Variants in MBOAT2 observed in about 807,000 individuals in gnomAD.
MBOAT2 encodes the protein membrane bound glycerophospholipid O-acyltransferase 2, also known as membrane-bound glycerophospholipid O-acyltransferase 2.
MBOAT2 carries 28 observed loss-of-function variants against 63.4 expected under a neutral mutation model. That is an observed-to-expected ratio of 0.44 (90% confidence interval 0.33 to 0.61). The LOEUF is 0.61. Ranked by LOEUF, MBOAT2 falls within the 20% of genes least tolerant of loss-of-function variation. The pLI, the probability that MBOAT2 is intolerant of heterozygous loss-of-function variation, is 0.03. For synonymous variants in MBOAT2, 211 were observed against 215.6 expected (o/e 0.98, Z 0.19); for missense variants, 470 against 605.8 (o/e 0.78, Z 2.35).
chr2:9,000,041 C>T (rs191206533), intron 1 of MBOAT2, among the ~76,000 whole-genome samples: 94 of 152,358 alleles, frequency 6.2e-4, no homozygotes, highest in African/African-American at 2.1e-3. Context: ...TGCATTCTTA[C>T]ATTCCATGCA....
chr2:8,884,226 G>T (rs1663372453), intron 5 of MBOAT2, among the ~76,000 whole-genome samples: 1 of 145,682 alleles, frequency 6.9e-6, no homozygotes, highest in Non-Finnish European at 1.5e-5. Context: ...AAAAAGTCTG[G>T]CTCTGAGAAA....
intron 2 of MBOAT2, among the ~76,000 whole-genome samples, chr2:8,955,781 A>G (rs529209869): frequency 1.3e-5 from 2 of 152,356 alleles, no homozygotes; most frequent in East Asian, 3.9e-4. Context: ...GTCAATCACT[A>G]TGGTAAACTT....
At chr2:8,863,970 T>C (rs999278592) in intron 10 of MBOAT2, among the ~76,000 whole-genome samples, 200 bp downstream of exon 10, 2 of 152,218 alleles carry the variant, frequency 1.3e-5, no homozygotes, top group Admixed American at 1.3e-4. Flanking sequence ...GCAGGATAGC[T>C]GCATTCGTGA....
At chr2:8,875,026 T>C (rs1024074864) in intron 7 of MBOAT2, among the ~76,000 whole-genome samples, 1 of 152,194 alleles carries the variant, frequency 6.6e-6, no homozygotes, top group Non-Finnish European at 1.5e-5. Context: ...AATTTCCACC[T>C]TGTTTAAGTT....
chr2:8,905,614 T>C (rs368824080), intron 4 of MBOAT2, among the ~76,000 whole-genome samples: 114 of 152,034 alleles, frequency 7.5e-4, no homozygotes, highest in African/African-American at 2.5e-3. Flanking sequence ...ATGAGAACAC[T>C]TGGACATAGG....
At chr2:8,911,292 T>C (rs1352219124) in intron 3 of MBOAT2, among the ~76,000 whole-genome samples, 1 of 152,176 alleles carries the variant, frequency 6.6e-6, no homozygotes, top group Non-Finnish European at 1.5e-5. Flanking sequence ...TTGAGCTTGA[T>C]TCCCTAATGA....
intron 1 of MBOAT2, among the ~76,000 whole-genome samples, chr2:8,981,417 A>G (rs1671183166): frequency 6.6e-6 from 1 of 152,198 alleles, no homozygotes; most frequent in Admixed American, 6.5e-5. Context: ...TGTCTGATCA[A>G]GATGAAATAC....
At chr2:8,888,400 A>C (rs1006942364) in intron 4 of MBOAT2, among the ~76,000 whole-genome samples, 4 of 152,138 alleles carry the variant, frequency 2.6e-5, no homozygotes, top group African/African-American at 9.7e-5. Context: ...CGGAGGTAAG[A>C]AGCACGCAGG....
At chr2:8,892,925 C>A (rs1664112155) in intron 4 of MBOAT2, among the ~76,000 whole-genome samples, 1 of 152,060 alleles carries the variant, frequency 6.6e-6, no homozygotes, top group Non-Finnish European at 1.5e-5. Flanking sequence ...GCAGGCTCTG[C>A]AGAGCGAGGA....
rs746928075 is a variant in MBOAT2 at position 8,977,148 on chromosome 2, GT to G, written c.76-18507del. ...AACAGCCTTATGGGTGGATACCTAT[GT>G]CAAAACACCAAATTTTACACTTTTA... On this transcript the variant is annotated intron_variant, in intron 1 of 12. Coordinates refer to ENST00000305997, the MANE Select transcript of MBOAT2 (RefSeq NM_138799.4). Among the ~76,000 whole-genome samples, 17 of 152,210 alleles carry G rather than the reference GT, an allele frequency of 1.1e-4. No individual in the cohort carries two copies. The East Asian group carries it at 2.3e-3, about 21-fold the overall frequency.
intron 2 of MBOAT2, among the ~76,000 whole-genome samples, chr2:8,951,907 T>C (rs1164426773): frequency 1.3e-5 from 2 of 152,200 alleles, no homozygotes; most frequent in African/African-American, 4.8e-5. Flanking sequence ...GGTTGGATTT[T>C]TGGGTCTCAA....
chr2:8,912,407 G>GAA (rs1464464716), intron 3 of MBOAT2, among the ~76,000 whole-genome samples: 1 of 147,066 alleles, frequency 6.8e-6, no homozygotes, highest in South Asian at 2.2e-4. Flanking sequence ...AAGAAAGAAA[G>GAA]AAAGAAAGAC....
At chr2:8,922,635 T>G (rs1178514779) in intron 3 of MBOAT2, among the ~76,000 whole-genome samples, 1 of 152,210 alleles carries the variant, frequency 6.6e-6, no homozygotes, top group Non-Finnish European at 1.5e-5. Context: ...AGTCAATGAT[T>G]AGTCGGAGCT....
intron 8 of MBOAT2, among the ~76,000 whole-genome samples, chr2:8,871,798 G>C (rs1176456740): frequency 2.0e-5 from 3 of 152,288 alleles, no homozygotes; most frequent in Non-Finnish European, 4.4e-5. Flanking sequence ...ACAGTAAAAT[G>C]CTAATCCTTA....
At chr2:8,997,588 TAAATA>T (rs1483498379) in intron 1 of MBOAT2, among the ~76,000 whole-genome samples, 1 of 152,160 alleles carries the variant, frequency 6.6e-6, no homozygotes, top group Non-Finnish European at 1.5e-5. Flanking sequence ...AATAAAAACA[TAAATA>T]AATTCCAGAA....
chr2:8,962,151 A>G (rs1669647736), intron 1 of MBOAT2, among the ~76,000 whole-genome samples: 1 of 152,196 alleles, frequency 6.6e-6, no homozygotes, highest in Non-Finnish European at 1.5e-5. Context: ...TTTATAATCT[A>G]TTTAATCTTC....
rs753238487 is a variant in MBOAT2 at position 8,929,318 on chromosome 2, TTTTA to T, written c.299+13865_299+13868del. On this transcript the variant is annotated intron_variant, in intron 3 of 12. Transcript: ENST00000305997. ...CACTGATTTACCCATGGCTCTTACA[TTTTA>T]TTTATTTGTTCATTCATTCATTCAT... Among the ~76,000 whole-genome samples the T allele has an allele frequency of 5.3e-5, 8 of 150,594 alleles. No homozygotes were observed. In the East Asian group the frequency reaches 5.8e-4, roughly 11 times the overall value.
intron 3 of MBOAT2, among the ~76,000 whole-genome samples, chr2:8,927,567 G>A (rs920154890): frequency 2.6e-5 from 4 of 152,192 alleles, no homozygotes; most frequent in Non-Finnish European, 5.9e-5. Context: ...ACAATAGAGA[G>A]CTGTGTCCAA....
intron 12 of MBOAT2, 73 bp downstream of exon 12, chr2:8,860,540 T>C: frequency 6.9e-7 from 1 of 1,456,576 alleles, no homozygotes; most frequent in Non-Finnish European, 9.5e-7. Context: ...TTTTCTATTC[T>C]ATCCAATAGC....
Sources: gnomAD v4.1 joint callset for allele counts (sites outside exome capture counted in the v4.1 genomes callset) on GRCh38, gnomAD v4.1.1 for gene constraint, MANE v1.5 for transcripts, NCBI Gene and HGNC (gene_info 2026-07-23, HGNC 2026-07-21) for gene names.